The following CCT2 variants were observed in gnomAD, a reference collection of about 807,000 sequenced individuals.
The protein encoded by CCT2 is chaperonin containing TCP1 subunit 2.
A neutral mutation model predicts 61.8 loss-of-function variants in CCT2; 18 were observed. The observed-to-expected ratio is 0.29, with a 90% CI of 0.20 to 0.43. CCT2 has a LOEUF of 0.43. CCT2 is among the 20% of genes least tolerant of loss of function. The pLI, the probability that CCT2 is intolerant of heterozygous loss-of-function variation, is 1.00. For synonymous variants in CCT2, 248 were observed against 215.9 expected (o/e 1.15, Z -1.30); for missense variants, 556 against 656.9 (o/e 0.85, Z 1.68).
chr12:69,597,753 A>G lies in CCT2; in HGVS notation c.1218A>G (p.Thr406=). The part of the protein sequence containing the change: ...VLAQTVKDSR[T]VYGGGCSEML... ...CGCAAACTGTAAAGGACTCTAGAAC[A>G]GTTTATGGAGGAGGTAAGCATTTAG... The change falls in exon 12 of 16, where the codon ACA becomes ACG. Residue 406 remains threonine, a synonymous_variant. Coordinates refer to ENST00000299300, the MANE Select transcript of CCT2 (RefSeq NM_006431.3). The G allele has an allele frequency of 6.2e-7, 1 of 1,611,842 alleles. No individual in the cohort carries two copies. The highest frequency in any genetic ancestry group is 2.2e-5 in the East Asian group (1 of 44,852).
intron 10 of CCT2, among the ~76,000 whole-genome samples, 158 bp from the exon 11 acceptor site, chr12:69,596,998 G>T (rs918555865): frequency 6.6e-6 from 1 of 152,062 alleles, no homozygotes; most frequent in Non-Finnish European, 1.5e-5. Context: ...ATAATTAGTC[G>T]ATATGAAGTA....
intron 10 of CCT2, among the ~76,000 whole-genome samples, chr12:69,594,592 C>A (rs1881933183): frequency 6.6e-6 from 1 of 152,116 alleles, no homozygotes; most frequent in African/African-American, 2.4e-5. Context: ...TGCGGTGGCT[C>A]ATGCTTGTAA....
Position 69,597,185 on chromosome 12 carries a change from C to G in CCT2, c.1012C>G (p.Pro338Ala), listed in dbSNP as rs1325804622. 4 of 1,613,596 alleles carry G rather than the reference C, an allele frequency of 2.5e-6. No individual in the cohort carries two copies. Among genetic ancestry groups the G allele is most frequent in the Non-Finnish European group, 3.4e-6 (4 of 1,179,764 alleles). ...TGAAATTGCCTCTACCTTTGATCACCCAGAACTGGTGAAGCTTGGAAGTTG... is the reference window on the plus strand; with the variant it reads ...TGAAATTGCCTCTACCTTTGATCACGCAGAACTGGTGAAGCTTGGAAGTTG... ...GGEIASTFDHPELVKLGSCKL... is the reference protein window; with the variant it reads ...GGEIASTFDHAELVKLGSCKL... The change falls in exon 11 of 16, where the codon CCA becomes GCA. Residue 338 changes from proline to alanine, a missense_variant. Physicochemically the swap from Pro to Ala is conservative, Grantham distance 27 (BLOSUM62 -1). Transcript: ENST00000299300.
chr12:69,601,347 C>T lies in CCT2; in HGVS notation c.*22C>T, dbSNP rs189188802. The T allele has an allele frequency of 5.6e-5, 90 of 1,613,970 alleles. No homozygotes were observed. In the African/African-American group the frequency reaches 1.1e-3, roughly 20 times the overall value. On this transcript the variant is annotated 3_prime_UTR_variant, in exon 16 of 16. Coordinates refer to ENST00000299300, the MANE Select transcript of CCT2 (RefSeq NM_006431.3). ...TTAAGCATTCCCACGTGCTGTCGAT[C>T]TTTGGACCAGTTTCTAGCAAAGTTG...
In CCT2 at chr12:69,587,968, A is replaced by G; in HGVS notation, c.295A>G (p.Thr99Ala). The change falls in exon 5 of 16, where the codon ACT becomes GCT. Residue 99 changes from threonine (T) to alanine (A), a missense_variant. By Grantham distance (58) the Thr-to-Ala change is moderately conservative. Around this residue, in one of 3 missense-constraint regions of CCT2, gnomAD observed 308 missense variants for 350.6 expected, o/e 0.88. Transcript: ENST00000299300. ...RVQDDEVGDG[T>A]TSVTVLAAEL... The stretch of plus-strand genomic sequence containing the variant: ...TCAAGATGATGAAGTTGGTGATGGC[A>G]CTACCTCTGTTACCGTTTTAGCAGC... 1 of 1,613,820 alleles carries G rather than the reference A, an allele frequency of 6.2e-7. No individual in the cohort carries two copies. The highest frequency in any genetic ancestry group is 8.5e-7 in the Non-Finnish European group (1 of 1,179,688).
At chr12:69,596,657 G>A (rs1882001950) in intron 10 of CCT2, among the ~76,000 whole-genome samples, 1 of 152,202 alleles carries the variant, frequency 6.6e-6, no homozygotes, top group East Asian at 1.9e-4. Flanking sequence ...TTCATGAAGT[G>A]TATAGTGGTT....
chr12:69,591,452 A>G (rs1159134593), intron 7 of CCT2, among the ~76,000 whole-genome samples: 2 of 152,286 alleles, frequency 1.3e-5, no homozygotes, highest in South Asian at 2.1e-4. Flanking sequence ...CACGGTGTCC[A>G]TGGTTTTTCC....
At chr12:69,589,377 C>T (rs1258566961) in intron 6 of CCT2, 108 bp from the exon 7 acceptor site, 1 of 719,824 alleles carries the variant, frequency 1.4e-6, no homozygotes, top group Non-Finnish European at 2.4e-6. Flanking sequence ...TTTCATATAG[C>T]TTACAGACTT....
At chr12:69,593,688 C>T in intron 10 of CCT2, 75 bp downstream of exon 10, 1 of 868,502 alleles carries the variant, frequency 1.2e-6, no homozygotes, top group Admixed American at 2.0e-5. Flanking sequence ...CTATATGCAA[C>T]TACCTTTAAG....
Position 69,586,646 on chromosome 12 carries a change from C to T in CCT2, c.79-107C>T, listed in dbSNP as rs1881670335. The T allele has an allele frequency of 5.0e-6, 4 of 805,696 alleles. No homozygotes were observed. The South Asian group carries it at 5.4e-5, about 11-fold the overall frequency. 49.9% of individuals were successfully genotyped at this position (805,696 alleles called of 1,614,324 possible). Reference sequence around the variant, plus strand: ...TCGCGCCATTGCACTCCAGCCTGGGCGACAGAGCGACACTCTGCCTCAAAA... The same window carrying T: ...TCGCGCCATTGCACTCCAGCCTGGGTGACAGAGCGACACTCTGCCTCAAAA... On this transcript the variant is annotated intron_variant, in intron 2 of 15. Transcript: ENST00000299300.
intron 10 of CCT2, among the ~76,000 whole-genome samples, chr12:69,593,904 G>A (rs907842555): frequency 1.0e-3 from 153 of 152,118 alleles, no homozygotes; most frequent in African/African-American, 3.5e-3. Flanking sequence ...TTGGGAGGCC[G>A]AGGCAGCCAG....
At position 69,586,189 on chromosome 12, in the gene CCT2, G is replaced by T. The variant is rs993856677; in HGVS notation, c.4-81G>T. The T allele has an allele frequency of 1.0e-5, 12 of 1,184,624 alleles. No individual in the cohort carries two copies. The African/African-American group carries it at 1.2e-4, about 12-fold the overall frequency. 73.4% of individuals were successfully genotyped at this position (1,184,624 alleles called of 1,614,324 possible). On this transcript the variant is annotated intron_variant, in intron 1 of 15. Transcript: ENST00000299300. ...TGAGTTTTCTCTTAGATGTCCACTT[G>T]TAAGACTAGTGGAAGGCACCTCAGT...
chr12:69,587,641 C>A, intron 4 of CCT2, 25 bp downstream of exon 4: 2 of 1,358,410 alleles, frequency 1.5e-6, no homozygotes, highest in Non-Finnish European at 2.1e-6. Flanking sequence ...ACTTTTTCAC[C>A]AACCTAATAA....
chr12:69,598,511 A>G (rs1229731533), intron 14 of CCT2, 90 bp downstream of exon 14: 5 of 713,948 alleles, frequency 7.0e-6, no homozygotes, highest in Non-Finnish European at 1.1e-5. Context: ...AAGAGTTACA[A>G]TAACCGTATA....
Position 69,601,411 on chromosome 12 carries a change from T to C in CCT2, c.*86T>C. On this transcript the variant is annotated 3_prime_UTR_variant, in exon 16 of 16. Transcript: ENST00000299300. ...CTCTATTAAAGAAGACTGTGGAATC[T>C]GTTTATCGGTGCCCATTATATCCTT... The C allele has an allele frequency of 6.2e-7, 1 of 1,612,122 alleles. No individual in the cohort carries two copies. Among genetic ancestry groups the C allele is most frequent in the Non-Finnish European group, 8.5e-7 (1 of 1,179,336 alleles).
At position 69,598,067 on chromosome 12, in the gene CCT2, G is replaced by C. The variant is rs1042740037; in HGVS notation, c.1331G>C (p.Arg444Thr). The change falls in exon 13 of 16, where the codon AGA (arginine) becomes ACA (threonine). Residue 444 changes from arginine (R) to threonine (T), a missense_variant. Around this residue, in one of 3 missense-constraint regions of CCT2, gnomAD observed 225 missense variants for 249.8 expected, o/e 0.90. Transcript: ENST00000299300. ...VAMESYAKAL[R>T]MLPTIIADNA... ...ATGGAGTCTTATGCTAAAGCACTGA[G>C]AATGGTAAGTTAATCAAAATGAGAG... 6.2e-7 allele frequency: 1 copy of C among 1,604,986 alleles called. No homozygotes were observed. Among genetic ancestry groups the C allele is most frequent in the Non-Finnish European group, 8.5e-7 (1 of 1,172,254 alleles).
intron 3 of CCT2, chr12:69,587,102 T>C (rs1451007769): frequency 2.9e-6 from 1 of 349,618 alleles, no homozygotes; most frequent in Non-Finnish European, 5.1e-6. Flanking sequence ...TGTAACATAC[T>C]GTTTTATAAA....
chr12:69,589,616 C>CT lies in CCT2; in HGVS notation c.579dup (p.Gly194TrpfsTer23). On this transcript the variant is annotated frameshift_variant, in exon 7 of 16. Coordinates refer to ENST00000299300, the MANE Select transcript of CCT2 (RefSeq NM_006431.3). LOFTEE classifies it high-confidence loss of function. The stretch of plus-strand genomic sequence containing the variant: ...GAAGCAGTTCTCAGACTGAAAGGCT[C>CT]TGGCAACCTGGAGGCAATTCATATT... 1 of 1,614,106 alleles carries CT rather than the reference C, an allele frequency of 6.2e-7. No individual in the cohort carries two copies.
intron 10 of CCT2, among the ~76,000 whole-genome samples, chr12:69,595,834 C>T (rs1881973088): frequency 6.6e-6 from 1 of 152,030 alleles, no homozygotes; most frequent in African/African-American, 2.4e-5. Flanking sequence ...TGAAGGTGAC[C>T]ACATGGTGGC....
Sources: gnomAD v4.1 joint callset for allele counts (sites outside exome capture counted in the v4.1 genomes callset) on GRCh38, gnomAD v4.1.1 for gene constraint, gnomAD v4.1.1 regional missense constraint, MANE v1.5 for transcripts, NCBI Gene and HGNC (gene_info 2026-07-23, HGNC 2026-07-21) for gene names.